ZFY: variants seen among roughly 807,000 people sequenced by gnomAD.
ZFY encodes zinc finger Y-chromosomal protein.
For missense variants in ZFY, 113 were observed against 170.9 expected, an observed-to-expected ratio of 0.66 and a Z score of 1.89; for synonymous variants, 47 against 55.8, an observed-to-expected ratio of 0.84 and a Z score of 0.71.
intron 1 of ZFY, among the ~76,000 whole-genome samples, chrY:2,946,218 G>A (rs758933081): frequency 3.3e-3 from 105 of 32,274 alleles, no homozygotes; most frequent in Non-Finnish European, 5.2e-3. Flanking sequence ...CCAAAGTGCT[G>A]CGATTATAGA....
At chrY:2,964,739 G>C (rs113223897) in intron 3 of ZFY, among the ~76,000 whole-genome samples, 1,725 of 32,989 alleles carry the variant, frequency 0.052, no homozygotes, top group African/African-American at 0.2. Flanking sequence ...TATAAAAAAA[G>C]GAGCAGTCAC....
chrY:2,963,888 AAT>A (rs751893075), intron 3 of ZFY, among the ~76,000 whole-genome samples: 31 of 31,547 alleles, frequency 9.8e-4, no homozygotes, highest in African/African-American at 3.3e-3. Context: ...TATATATCTA[AAT>A]ATATATATAT....
At chrY:2,939,012 TATATATATATAA>T (rs2051229910) in intron 1 of ZFY, among the ~76,000 whole-genome samples, 1 of 19,332 alleles carries the variant, frequency 5.2e-5, no homozygotes, top group African/African-American at 1.8e-4. Context: ...TATATATATA[TATATATATATAA>T]ATAAATAACT....
Position 2,979,167 on chromosome Y carries a change from A to G in ZFY, c.1580A>G (p.Gln527Arg). Residue 527 changes from glutamine (Q) to arginine (R), a missense_variant, in exon 8 of 8, where the codon CAG (glutamine) becomes CGG (arginine). By Grantham distance (43) the Gln-to-Arg change is conservative (BLOSUM62 1). Coordinates refer to ENST00000155093, the MANE Select transcript of ZFY (RefSeq NM_003411.4). ...TTCTGTGAATATGAGACAGCTGAAC[A>G]GGGGTTATTGAATCGCCACCTCTTG... Reference protein sequence around the residue: ...CKFCEYETAEQGLLNRHLLAV... With the variant: ...CKFCEYETAERGLLNRHLLAV... The G allele has an allele frequency of 2.5e-6, 1 of 399,317 alleles. No individual in the cohort carries two copies. The highest frequency in any genetic ancestry group is 3.5e-6 in the Non-Finnish European group (1 of 283,802).
intron 2 of ZFY, among the ~76,000 whole-genome samples, chrY:2,958,566 T>C (rs959873599): frequency 3.0e-5 from 1 of 33,499 alleles, no homozygotes; most frequent in Non-Finnish European, 7.4e-5. Context: ...GTTCGAACTT[T>C]TGTAACCCTT....
At chrY:2,948,789 G>A (rs2051269712) in intron 1 of ZFY, among the ~76,000 whole-genome samples, 1 of 33,911 alleles carries the variant, frequency 2.9e-5, no homozygotes, top group Admixed American at 2.7e-4. Context: ...ATAGAGAGAT[G>A]TATGAAATGC....
rs2051397942 is a variant in ZFY at position 2,980,900 on chromosome Y, C to T, written c.*907C>T. The T allele has an allele frequency of 3.0e-5, 1 of 33,266 alleles. No homozygotes were observed. The highest frequency in any genetic ancestry group is 1.2e-4 in the African/African-American group (1 of 8,618). 8.3% of individuals were successfully genotyped at this position (33,266 alleles called of 400,897 possible). On this transcript the variant is annotated 3_prime_UTR_variant, in exon 8 of 8. Transcript: ENST00000155093. ...TGAAAGATCCAGAGATGTATGAGAG[C>T]ATTTTGTAACTTGTTATTCAGTTAC...
intron 3 of ZFY, among the ~76,000 whole-genome samples, chrY:2,966,440 AG>A: frequency 5.9e-5 from 2 of 33,698 alleles, no homozygotes; most frequent in East Asian, 1.5e-3. Flanking sequence ...GCAAACTTGT[AG>A]GAACTTCAAT....
chrY:2,972,714 A>T (rs2051352145), intron 3 of ZFY, among the ~76,000 whole-genome samples: 1 of 33,953 alleles, frequency 2.9e-5, no homozygotes, highest in Non-Finnish European at 7.3e-5. Flanking sequence ...TTTATTTCTT[A>T]CAAAAAATTA....
intron 2 of ZFY, 95 bp downstream of exon 2, chrY:2,954,092 A>G: frequency 6.0e-6 from 1 of 165,468 alleles, no homozygotes; most frequent in Non-Finnish European, 1.1e-5. Context: ...ATATTTAGGT[A>G]CTTAGGTCCA....
intron 2 of ZFY, among the ~76,000 whole-genome samples, chrY:2,958,101 A>G (rs2051298659): frequency 2.9e-5 from 1 of 34,013 alleles, no homozygotes; most frequent in South Asian, 6.3e-4. Context: ...TTCTGCTTCA[A>G]CTTTCCAACT....
chrY:2,974,385 A>C, intron 3 of ZFY, among the ~76,000 whole-genome samples: 2 of 31,422 alleles, frequency 6.4e-5, no homozygotes, highest in African/African-American at 2.5e-4. Flanking sequence ...AGGTTTCACT[A>C]TGTTGGCCAG....
chrY:2,960,485 G>A (rs1603311382), intron 2 of ZFY, among the ~76,000 whole-genome samples: 1 of 31,359 alleles, frequency 3.2e-5, no homozygotes, highest in East Asian at 8.0e-4. Flanking sequence ...AGTTATAGTG[G>A]ATATTGATGG....
At position 2,980,128 on chromosome Y, in the gene ZFY, T is replaced by G; in HGVS notation, c.*135T>G. ...ATAGAATTATTGCTTCTAGTCCACT[T>G]TTCTTTACATTTTATTCAATACGCT... is the stretch of plus-strand genomic sequence containing the variant. On this transcript the variant is annotated 3_prime_UTR_variant, in exon 8 of 8. Coordinates refer to ENST00000155093, the MANE Select transcript of ZFY (RefSeq NM_003411.4). 1 of 203,489 alleles carries G rather than the reference T, an allele frequency of 4.9e-6. No homozygotes were observed. Among genetic ancestry groups the G allele is most frequent in the Non-Finnish European group, 8.3e-6 (1 of 120,157 alleles). The allele number at this position is 203,489 out of a possible 400,897, so 50.8% of individuals were successfully genotyped here.
chrY:2,955,063 G>A, intron 2 of ZFY, among the ~76,000 whole-genome samples: 1 of 33,048 alleles, frequency 3.0e-5, no homozygotes, highest in Non-Finnish European at 7.4e-5. Context: ...ATGCACCAGG[G>A]TAATCCAAGA....
chrY:2,949,157 A>G (rs2051271218), intron 1 of ZFY, among the ~76,000 whole-genome samples: 1 of 30,194 alleles, frequency 3.3e-5, no homozygotes, highest in Non-Finnish European at 7.9e-5. Context: ...CCTTTTTTTG[A>G]GACAGTTTAG....
intron 1 of ZFY, among the ~76,000 whole-genome samples, chrY:2,952,934 T>A: frequency 3.0e-5 from 1 of 33,197 alleles, no homozygotes; most frequent in Non-Finnish European, 7.4e-5. Context: ...TTAGGAATTT[T>A]GAGTTTTTTA....
At chrY:2,967,290 C>T (rs772632099) in intron 3 of ZFY, among the ~76,000 whole-genome samples, 2 of 32,910 alleles carry the variant, frequency 6.1e-5, no homozygotes, top group African/African-American at 2.4e-4. Flanking sequence ...ATATTGTTGC[C>T]TAGTGTTCGT....
In ZFY at chrY:2,980,303, C is replaced by T; in HGVS notation, c.*310C>T. The stretch of plus-strand genomic sequence containing the variant: ...CATATTTATTCATGTTCATGGTACT[C>T]TTCTAAGACAAAATCAGATTGATAA... On this transcript the variant is annotated 3_prime_UTR_variant, in exon 8 of 8. Coordinates refer to ENST00000155093, the MANE Select transcript of ZFY (RefSeq NM_003411.4). 1.4e-5 allele frequency: 1 copy of T among 73,212 alleles called. No homozygotes were observed. Among genetic ancestry groups the T allele is most frequent in the African/African-American group, 1.1e-4 (1 of 9,345 alleles). 18.3% of individuals were successfully genotyped at this position (73,212 alleles called of 400,897 possible). A position where few individuals can be genotyped will look rare whatever the true frequency, so the allele number is the denominator to read the frequency against.
Sources: allele counts gnomAD v4.1 joint callset (sites outside exome capture counted in the v4.1 genomes callset), GRCh38; gene constraint gnomAD v4.1.1; transcripts MANE v1.5; gene names NCBI Gene and HGNC (gene_info 2026-07-23, HGNC 2026-07-21).